PTPRK: variants seen among roughly 807,000 people sequenced by gnomAD.
PTPRK encodes receptor-type tyrosine-protein phosphatase kappa.
PTPRK carries 75 observed loss-of-function variants against 178.0 expected under a neutral mutation model. That is an observed-to-expected ratio of 0.42 (90% confidence interval 0.35 to 0.51). The LOEUF is 0.51. Among genes scored for constraint, PTPRK ranks in the 20% least tolerant of loss-of-function variants. The pLI, the probability that PTPRK is intolerant of heterozygous loss-of-function variation, is 0.02. For synonymous variants in PTPRK, 637 were observed against 620.6 expected, an observed-to-expected ratio of 1.03 and a Z score of -0.39; for missense variants, 1,441 against 1,797.8, an observed-to-expected ratio of 0.80 and a Z score of 3.59.
chr6:128,424,295 A>G (rs556854555), intron 1 of PTPRK, among the ~76,000 whole-genome samples: 2 of 152,296 alleles, frequency 1.3e-5, no homozygotes, highest in South Asian at 4.1e-4. Context: ...AGATAAAGAT[A>G]TAGTGCAGAG....
Position 128,466,291 on chromosome 6 carries a change from C to A in PTPRK, c.100+53968G>T, listed in dbSNP as rs114417538. ...TAGAAGAAAAAACACACTGGATATA[C>A]AATATTTTACCTGTTAATTCATGTG... On this transcript the variant is annotated intron_variant, in intron 1 of 29. Coordinates refer to ENST00000368226, the MANE Select transcript of PTPRK (RefSeq NM_002844.4). Among the ~76,000 whole-genome samples the A allele has an allele frequency of 4.7e-3, 719 of 152,272 alleles. 12 individuals are homozygous for A. Among genetic ancestry groups the A allele is most frequent in the African/African-American group, 0.016 (684 of 41,550 alleles).
At position 128,286,630 on chromosome 6, in the gene PTPRK, C is replaced by T. The variant is rs187491864; in HGVS notation, c.495+35409G>A. ...TCTCTACCTTTTGCAGGTATGTTTC[C>T]ATGGATTGTTTCCCACCACTAGCTA... is the stretch of plus-strand genomic sequence containing the variant. On this transcript the variant is annotated intron_variant, in intron 3 of 29. Transcript: ENST00000368226. Among the ~76,000 whole-genome samples the T allele has an allele frequency of 1.4e-4, 22 of 152,214 alleles. No homozygotes were observed. In the East Asian group the frequency reaches 4.2e-3, roughly 29 times the overall value.
chr6:128,277,668 A>G (rs765106978), intron 3 of PTPRK, among the ~76,000 whole-genome samples: 15 of 152,206 alleles, frequency 9.9e-5, no homozygotes, highest in Non-Finnish European at 1.9e-4. Flanking sequence ...AAGGACGCAT[A>G]TTAATTTATG....
chr6:128,293,751 T>A (rs1172976609), intron 3 of PTPRK, among the ~76,000 whole-genome samples: 1 of 152,116 alleles, frequency 6.6e-6, no homozygotes, highest in Non-Finnish European at 1.5e-5. Context: ...CTCTTAGGTT[T>A]ACTACAATTA....
chr6:128,423,231 A>G (rs1843704590), intron 1 of PTPRK, among the ~76,000 whole-genome samples: 2 of 152,222 alleles, frequency 1.3e-5, no homozygotes, highest in Admixed American at 6.5e-5. Context: ...ACAGATTTCT[A>G]GGACTTTTTT....
chr6:128,348,861 T>A (rs1419447959), intron 2 of PTPRK, among the ~76,000 whole-genome samples: 1 of 152,020 alleles, frequency 6.6e-6, no homozygotes, highest in Non-Finnish European at 1.5e-5. Flanking sequence ...AATCACTAAT[T>A]TGGCTACTGA....
At chr6:128,148,864 T>C (rs1796866592) in intron 7 of PTPRK, among the ~76,000 whole-genome samples, 1 of 152,106 alleles carries the variant, frequency 6.6e-6, no homozygotes, top group Non-Finnish European at 1.5e-5. Context: ...GAAAATTTAT[T>C]TGCATGTTAA....
chr6:128,405,902 G>A lies in PTPRK; in HGVS notation c.101-8214C>T, dbSNP rs1841590710. Among the ~76,000 whole-genome samples the A allele has an allele frequency of 1.3e-5, 2 of 151,958 alleles. 1 individual carries two copies. Among genetic ancestry groups the A allele is most frequent in the South Asian group, 4.1e-4 (2 of 4,820 alleles). ...TTAAGTATACTCAACTACATTTTAA[G>A]GAGGTCAACAATTAAGTTTTGTAGG... On this transcript the variant is annotated intron_variant, in intron 1 of 29. Coordinates refer to ENST00000368226, the MANE Select transcript of PTPRK (RefSeq NM_002844.4).
chr6:127,983,142 T>C (rs1775549084), intron 23 of PTPRK, 100 bp downstream of exon 23: 2 of 1,315,746 alleles, frequency 1.5e-6, no homozygotes, highest in Admixed American at 2.8e-5. Context: ...ATGAAAAACA[T>C]CTCTTTCGGT....
At chr6:128,312,847 T>C (rs1437942569) in intron 3 of PTPRK, among the ~76,000 whole-genome samples, 1 of 152,060 alleles carries the variant, frequency 6.6e-6, no homozygotes, top group East Asian at 1.9e-4. Flanking sequence ...TGAATTAAAC[T>C]TCAGTTCACC....
chr6:128,353,972 G>A (rs1421181372), intron 2 of PTPRK, among the ~76,000 whole-genome samples: 2 of 151,964 alleles, frequency 1.3e-5, no homozygotes, highest in African/African-American at 2.4e-5. Flanking sequence ...ATACATTTGA[G>A]GGAAAATGGA....
intron 2 of PTPRK, among the ~76,000 whole-genome samples, chr6:128,337,558 T>C (rs1831109367): frequency 6.6e-6 from 1 of 152,170 alleles, no homozygotes; most frequent in African/African-American, 2.4e-5. Context: ...ACAAGAAGTT[T>C]ATCAGCAAAA....
intron 7 of PTPRK, among the ~76,000 whole-genome samples, chr6:128,121,560 CA>C (rs1299207190): frequency 2.0e-5 from 3 of 151,830 alleles, no homozygotes; most frequent in African/African-American, 7.2e-5. Context: ...TATAAAGAAA[CA>C]TAAGTACAAA....
At chr6:128,174,556 T>G (rs1345653543) in intron 7 of PTPRK, among the ~76,000 whole-genome samples, 1 of 152,028 alleles carries the variant, frequency 6.6e-6, no homozygotes, top group South Asian at 2.1e-4. Context: ...ATATATAAAT[T>G]TATTTCAAAA....
At chr6:128,447,105 T>C (rs1847133526) in intron 1 of PTPRK, among the ~76,000 whole-genome samples, 1 of 152,072 alleles carries the variant, frequency 6.6e-6, no homozygotes, top group South Asian at 2.1e-4. Flanking sequence ...CCCACTTTAA[T>C]GAAAAAAAGA....
chr6:128,447,994 C>A (rs1297205243), intron 1 of PTPRK, among the ~76,000 whole-genome samples: 1 of 152,034 alleles, frequency 6.6e-6, no homozygotes. Context: ...ATATTGGGGC[C>A]AAATAAACAT....
chr6:128,154,687 C>T (rs1459766102), intron 7 of PTPRK, among the ~76,000 whole-genome samples: 2 of 151,296 alleles, frequency 1.3e-5, no homozygotes, highest in African/African-American at 2.4e-5. Flanking sequence ...AAATAAAATG[C>T]AATTACAGAT....
intron 1 of PTPRK, among the ~76,000 whole-genome samples, chr6:128,499,057 A>G (rs1855153029): frequency 6.6e-6 from 1 of 152,222 alleles, no homozygotes; most frequent in South Asian, 2.1e-4. Flanking sequence ...ATGCAGCTTT[A>G]TTTGAAGACA....
chr6:128,506,022 T>A (rs910151216), intron 1 of PTPRK, among the ~76,000 whole-genome samples: 11 of 150,912 alleles, frequency 7.3e-5, no homozygotes, highest in African/African-American at 2.7e-4. Flanking sequence ...AAGAAAAATG[T>A]TATATAGAAT....
Sources: allele counts gnomAD v4.1 joint callset (sites outside exome capture counted in the v4.1 genomes callset), GRCh38; gene constraint gnomAD v4.1.1; transcripts MANE v1.5; gene names NCBI Gene and HGNC (gene_info 2026-07-23, HGNC 2026-07-21).